Variants in WARS1 observed in about 807,000 individuals in gnomAD.
WARS1 encodes tryptophanyl-tRNA synthetase 1.
A neutral mutation model predicts 47.8 loss-of-function variants in WARS1; 17 were observed. That is an observed-to-expected ratio of 0.36 (90% CI 0.24 to 0.53). The LOEUF is 0.53. Among genes scored for constraint, WARS1 ranks in the 20% least tolerant of loss-of-function variants. The pLI, the probability that WARS1 is intolerant of heterozygous loss-of-function variation, is 0.91. For missense variants in WARS1, 434 were observed against 608.0 expected (o/e 0.71, Z 3.01); for synonymous variants, 208 against 228.1 (o/e 0.91, Z 0.79).
chr14:100,354,475 C>T lies in WARS1; in HGVS notation c.514G>A (p.Gly172Ser). ...RGPSSEAMHV[G>S]HLIPFIFTKW... is the part of the protein sequence containing the mutation. The stretch of plus-strand genomic sequence containing the variant: ...GTGAAAATAAATGGAATGAGGTGAC[C>T]TACATGCATTGCTTCAGAAGAGGGG... The change falls in exon 5 of 11, where the codon GGT becomes AGT. Residue 172 changes from glycine (G) to serine (S), a missense_variant. Gly to Ser is a moderately conservative substitution (Grantham distance 56, BLOSUM62 0). Around this residue, in one of 2 missense-constraint regions of WARS1, gnomAD observed 347 missense variants for 523.8 expected, o/e 0.66. Coordinates refer to ENST00000392882, the MANE Select transcript of WARS1 (RefSeq NM_004184.4). The T allele has an allele frequency of 6.2e-7, 1 of 1,614,008 alleles. No individual in the cohort carries two copies. The highest frequency in any genetic ancestry group is 8.5e-7 in the Non-Finnish European group (1 of 1,179,980).
chr14:100,360,495 AT>A, intron 4 of WARS1, 58 bp downstream of exon 4: 34 of 1,402,246 alleles, frequency 2.4e-5, no homozygotes, highest in African/African-American at 2.9e-5. Context: ...GTGTCTTACG[AT>A]TTTTTTGAAC....
intron 4 of WARS1, among the ~76,000 whole-genome samples, chr14:100,356,859 T>G (rs1895353992): frequency 6.6e-6 from 1 of 152,182 alleles, no homozygotes; most frequent in Non-Finnish European, 1.5e-5. Context: ...ATATCCCTTA[T>G]GAACACAGAT....
chr14:100,334,892 A>G lies in WARS1; in HGVS notation c.1399T>C (p.Ser467Pro). 1.2e-6 allele frequency: 2 copies of G among 1,614,058 alleles called. No homozygotes were observed. The change falls in exon 11 of 11, where the codon TCC becomes CCC. Residue 467 changes from serine to proline, a missense_variant. Around this residue, in one of 2 missense-constraint regions of WARS1, gnomAD observed 347 missense variants for 523.8 expected, o/e 0.66. Transcript: ENST00000392882. Reference protein sequence around the residue: ...VKEFMTPRKLSFDFQ With the variant: ...VKEFMTPRKLPFDFQ ...AACGAGTGCTACTGAAAGTCGAAGG[A>G]CAGCTTCCGGGGAGTCATGAACTCT... is the stretch of plus-strand genomic sequence containing the variant.
At chr14:100,374,431 T>C (rs1423717570) in intron 1 of WARS1, among the ~76,000 whole-genome samples, 2 of 152,232 alleles carry the variant, frequency 1.3e-5, no homozygotes, top group Admixed American at 6.5e-5. Context: ...CAGTTCCCCC[T>C]TTTCAAGAAC....
chr14:100,371,713 C>CA (rs1327753956), intron 1 of WARS1, among the ~76,000 whole-genome samples: 1 of 152,026 alleles, frequency 6.6e-6, no homozygotes. Flanking sequence ...CCAACCTGGG[C>CA]AACAGAGAGA....
At chr14:100,356,213 T>C (rs1308625099) in intron 4 of WARS1, among the ~76,000 whole-genome samples, 100 of 152,164 alleles carry the variant, frequency 6.6e-4, no homozygotes, top group Non-Finnish European at 1.6e-4. Context: ...AATTTGAGAA[T>C]GGGCAAATGA....
intron 6 of WARS1, among the ~76,000 whole-genome samples, chr14:100,349,482 G>A (rs1236044214): frequency 6.6e-6 from 1 of 152,030 alleles, no homozygotes; most frequent in Non-Finnish European, 1.5e-5. Context: ...TCCCATGCCC[G>A]GGCCACACAG....
At chr14:100,342,727 T>TA in intron 8 of WARS1, among the ~76,000 whole-genome samples, 156 bp from the exon 9 acceptor site, 1 of 151,290 alleles carries the variant, frequency 6.6e-6, no homozygotes, top group South Asian at 2.1e-4. Context: ...TTTTTTTTTT[T>TA]AAATTTTACT....
chr14:100,345,969 G>A (rs921093909), intron 7 of WARS1, among the ~76,000 whole-genome samples: 1 of 152,218 alleles, frequency 6.6e-6, no homozygotes, highest in Non-Finnish European at 1.5e-5. Flanking sequence ...CAGGGTGAAC[G>A]CTCCTCACGG....
chr14:100,334,991 G>C lies in WARS1; in HGVS notation c.1300C>G (p.Leu434Val). 5 of 1,614,162 alleles carry C rather than the reference G, an allele frequency of 3.1e-6. No homozygotes were observed. The highest frequency in any genetic ancestry group is 4.2e-6 in the Non-Finnish European group (5 of 1,180,028). ...ATCAAGGGCTGCAGAACCTCTATGA[G>C]TGCCTTCTTGAGCTCACCGGTGAGC... ...AMLTGELKKA[L>V]IEVLQPLIAE... The change falls in exon 11 of 11, where the codon CTC becomes GTC. Residue 434 changes from leucine to valine, a missense_variant. Leu to Val is a conservative substitution (Grantham distance 32). This residue lies in a region of WARS1 where 347 missense variants were observed against 523.8 expected (regional missense o/e 0.66). Transcript: ENST00000392882.
chr14:100,362,667 T>C (rs1017711866), intron 2 of WARS1, among the ~76,000 whole-genome samples: 1 of 152,220 alleles, frequency 6.6e-6, no homozygotes. Context: ...AGCTGATTAG[T>C]CATGCTATGC....
At chr14:100,368,886 G>A (rs560026841) in intron 2 of WARS1, among the ~76,000 whole-genome samples, 10 of 152,264 alleles carry the variant, frequency 6.6e-5, no homozygotes, top group South Asian at 6.2e-4. Context: ...ACTTGAACCC[G>A]GGAGGCAGAG....
chr14:100,354,241 C>G, intron 5 of WARS1: 1 of 641,950 alleles, frequency 1.6e-6, no homozygotes, highest in Non-Finnish European at 2.5e-6. Flanking sequence ...CTGGCTGACT[C>G]CAAAGCTGCG....
intron 10 of WARS1, chr14:100,336,750 C>CCTA: frequency 4.2e-6 from 1 of 235,704 alleles, no homozygotes; most frequent in East Asian, 8.3e-5. Flanking sequence ...CACAAAAGCC[C>CCTA]CTACTAATTC....
At chr14:100,345,748 T>A (rs1894568706) in intron 7 of WARS1, among the ~76,000 whole-genome samples, 1 of 152,242 alleles carries the variant, frequency 6.6e-6, no homozygotes, top group Non-Finnish European at 1.5e-5. Flanking sequence ...ATGTTGTTGC[T>A]GTTATTACTG....
intron 2 of WARS1, among the ~76,000 whole-genome samples, chr14:100,365,140 C>CAG (rs1233249756): frequency 6.6e-6 from 1 of 151,534 alleles, no homozygotes; most frequent in Non-Finnish European, 1.5e-5. Flanking sequence ...CACACACACA[C>CAG]ACACACACAC....
chr14:100,361,036 A>G (rs1360359254), intron 3 of WARS1, among the ~76,000 whole-genome samples: 1 of 152,180 alleles, frequency 6.6e-6, no homozygotes, highest in African/African-American at 2.4e-5. Flanking sequence ...TAAAATTTAT[A>G]TTCATTGACA....
At chr14:100,376,304 T>A, upstream of WARS1, 1 of 1,060,796 alleles carries the variant, frequency 9.4e-7, no homozygotes, top group South Asian at 5.0e-5. Context: ...AGCAACCGGC[T>A]GTCTCCTGGG....
intron 7 of WARS1, among the ~76,000 whole-genome samples, chr14:100,345,808 T>A (rs1045177647): frequency 6.6e-6 from 1 of 152,274 alleles, no homozygotes; most frequent in African/African-American, 2.4e-5. Flanking sequence ...GACCTCTCTA[T>A]GGCCCGACAG....
Sources: allele counts gnomAD v4.1 joint callset (sites outside exome capture counted in the v4.1 genomes callset), GRCh38; gene constraint gnomAD v4.1.1; regional missense constraint gnomAD v4.1.1; transcripts MANE v1.5; gene names NCBI Gene and HGNC (gene_info 2026-07-23, HGNC 2026-07-21).